PKD1L1: variants seen among roughly 807,000 people sequenced by gnomAD.
PKD1L1 encodes the protein polycystin 1 like 1, transient receptor potential channel interacting.
A neutral mutation model predicts 323.4 loss-of-function variants in PKD1L1; 236 were observed. That is an observed-to-expected ratio of 0.73 (90% CI 0.66 to 0.81). PKD1L1 has a LOEUF of 0.81. Ranked by LOEUF, PKD1L1 falls within the 40% of genes least tolerant of loss-of-function variation. The probability of loss-of-function intolerance (pLI) is 0.00; values close to 1 mark genes in which losing one functional copy is unlikely to be tolerated. For missense variants in PKD1L1, 3,320 were observed against 3,508.0 expected (o/e 0.95, Z 1.35); for synonymous variants, 1,344 against 1,335.0 (o/e 1.01, Z -0.15).
At chr7:47,827,192 TA>T (rs1356704012) in intron 45 of PKD1L1, among the ~76,000 whole-genome samples, 157 bp downstream of exon 45, 11 of 152,214 alleles carry the variant, frequency 7.2e-5, no homozygotes, top group African/African-American at 2.7e-4. Context: ...GGTTGTTATA[TA>T]AATAAGGATG....
At position 47,835,157 on chromosome 7, in the gene PKD1L1, C is replaced by A. The variant is rs767737230; in HGVS notation, c.6030G>T (p.Leu2010Phe). 24 of 1,598,594 alleles carry A rather than the reference C, an allele frequency of 1.5e-5. No individual in the cohort carries two copies. The highest frequency in any genetic ancestry group is 2.0e-5 in the Non-Finnish European group (24 of 1,172,820). ...TLLASPGAQL[L>F]SLLFRLSKEA... ...CCTTGCTGAGCCTGAAGAGCAGGGA[C>A]AAGAGCTGGGCCCCTGGAGAAGCCA... The change falls in exon 38 of 57, where the codon TTG becomes TTT. Residue 2010 changes from leucine to phenylalanine, a missense_variant. Leu to Phe is a conservative substitution (Grantham distance 22). Transcript: ENST00000289672.
Position 47,858,714 on chromosome 7 carries a change from G to C in PKD1L1, c.4321C>G (p.Arg1441Gly), listed in dbSNP as rs550723547. ...EQENSKEEVY[R>G]HEEGITVISD... ...ATGACTGTAATTCCTTCTTCATGTC[G>C]ATAGACTTCCTCCTTCGAGTTTTCT... Residue 1441 changes from arginine (R) to glycine (G), a missense_variant, in exon 27 of 57, where the codon CGA (arginine) becomes GGA (glycine). Coordinates refer to ENST00000289672, the MANE Select transcript of PKD1L1 (RefSeq NM_138295.5). 42 of 1,613,986 alleles carry C rather than the reference G, an allele frequency of 2.6e-5. No individual in the cohort carries two copies. In the South Asian group the frequency reaches 4.3e-4, roughly 16 times the overall value.
chr7:47,834,293 C>A (rs771272475), intron 40 of PKD1L1, 46 bp downstream of exon 40: 1 of 1,586,538 alleles, frequency 6.3e-7, no homozygotes, highest in Non-Finnish European at 8.6e-7. Flanking sequence ...TAATTGTTTG[C>A]ATTTCATGCT....
intron 7 of PKD1L1, among the ~76,000 whole-genome samples, chr7:47,916,690 G>A (rs1335236509): frequency 6.6e-6 from 1 of 152,118 alleles, no homozygotes; most frequent in Non-Finnish European, 1.5e-5. Context: ...CCTGGAATCT[G>A]GTAGACTCGC....
intron 4 of PKD1L1, among the ~76,000 whole-genome samples, chr7:47,933,223 ACG>A (rs1182176882): frequency 6.7e-6 from 1 of 150,022 alleles, no homozygotes; most frequent in East Asian, 2.0e-4. Flanking sequence ...AAACTGACTG[ACG>A]CCAAGTAGCC....
In PKD1L1 at chr7:47,915,433, G is replaced by A. The variant is rs1787406986; in HGVS notation, c.1227C>T (p.Thr409=). 1.1e-6 allele frequency: 1 copy of A among 886,648 alleles called. No homozygotes were observed. Among genetic ancestry groups the A allele is most frequent in the Non-Finnish European group, 1.9e-6 (1 of 515,342 alleles). The allele number at this position is 886,648 out of a possible 1,614,324, so 54.9% of individuals were successfully genotyped here. The stretch of plus-strand genomic sequence containing the variant: ...CTCTTTTTGCTTTTAAAAACATACT[G>A]GTGACAAAGGCAGAAATAAGCTCAT... ...LGYELISAFV[T]KGVYMLKAVI... The change falls in exon 8 of 57, where the codon ACC becomes ACT. Residue 409 remains threonine, a splice_region_variant and synonymous_variant. Coordinates refer to ENST00000289672, the MANE Select transcript of PKD1L1 (RefSeq NM_138295.5).
chr7:47,866,408 C>T lies in PKD1L1; in HGVS notation c.4092+11G>A. The T allele has an allele frequency of 6.2e-7, 1 of 1,611,178 alleles. No individual in the cohort carries two copies. Among genetic ancestry groups the T allele is most frequent in the Middle Eastern group, 1.7e-4 (1 of 6,042 alleles). On this transcript the variant is annotated intron_variant, in intron 25 of 56. Transcript: ENST00000289672. ...TTACAGACACTAAACTCACCCTCCT[C>T]TGAGCCATACCTGATCTACAAAAGC... is the stretch of plus-strand genomic sequence containing the variant.
chr7:47,880,663 T>G, intron 21 of PKD1L1, 65 bp downstream of exon 21: 3 of 1,317,708 alleles, frequency 2.3e-6, no homozygotes, highest in South Asian at 2.7e-5. Flanking sequence ...TTAGGAAGAG[T>G]AAACTCACAG....
At chr7:47,783,501 C>G (rs778140233) in intron 56 of PKD1L1, among the ~76,000 whole-genome samples, 3 of 152,128 alleles carry the variant, frequency 2.0e-5, no homozygotes, top group Non-Finnish European at 2.9e-5. Flanking sequence ...TTGAATTGTT[C>G]TTCCTCCAGA....
At chr7:47,934,600 C>T (rs962082563) in intron 4 of PKD1L1, among the ~76,000 whole-genome samples, 4 of 152,188 alleles carry the variant, frequency 2.6e-5, no homozygotes, top group African/African-American at 4.8e-5. Flanking sequence ...CAACAACAAA[C>T]CTGCATGTCT....
rs970049084 is a variant in PKD1L1, at chr7:47,874,117, C to T, written c.3785-107G>A. The T allele has an allele frequency of 1.1e-5, 8 of 703,866 alleles. No individual in the cohort carries two copies. In the African/African-American group the frequency reaches 1.4e-4, roughly 13 times the overall value. The allele number at this position is 703,866 out of a possible 1,614,324, so 43.6% of individuals were successfully genotyped here. A position where few individuals can be genotyped will look rare whatever the true frequency, so the allele number is the denominator to read the frequency against. ...TGGATGACTAAAACTGTGACAAGTG[C>T]TGACAAAGGGGCCAGGCTCCGAGCC... is the stretch of plus-strand genomic sequence containing the variant. On this transcript the variant is annotated intron_variant, in intron 23 of 56. Coordinates refer to ENST00000289672, the MANE Select transcript of PKD1L1 (RefSeq NM_138295.5).
intron 8 of PKD1L1, among the ~76,000 whole-genome samples, chr7:47,910,662 CTTTTTTTTTTTTT>C (rs1787301450): frequency 7.9e-6 from 1 of 126,706 alleles, no homozygotes; most frequent in South Asian, 2.5e-4. Context: ...TTCAAGTTGA[CTTTTTTTTTTTTT>C]AAGATAGAGT....
intron 54 of PKD1L1, among the ~76,000 whole-genome samples, chr7:47,797,064 C>A (rs1324056786): frequency 3.3e-5 from 5 of 152,044 alleles, no homozygotes; most frequent in African/African-American, 4.8e-5. Flanking sequence ...GCTTTACACA[C>A]CCTGCAAAAC....
intron 26 of PKD1L1, among the ~76,000 whole-genome samples, chr7:47,861,942 C>T (rs1786039222): frequency 6.9e-6 from 1 of 145,022 alleles, no homozygotes; most frequent in African/African-American, 2.5e-5. Context: ...CATCTGTAAT[C>T]CCAGCACTTT....
rs536842690 is a variant in PKD1L1 at position 47,780,035 on chromosome 7, T to A, written c.8527-4869A>T. 7.2e-5 allele frequency among the ~76,000 whole-genome samples: 11 copies of A among 152,272 alleles called. No homozygotes were observed. The South Asian group carries it at 1.9e-3, about 26-fold the overall frequency. Reference sequence around the variant, plus strand: ...ACAACCTCGTTATTTTTTAATTATTTTTTTTTTACTTTGAGATAACTGTAG... The same window carrying A: ...ACAACCTCGTTATTTTTTAATTATTATTTTTTTACTTTGAGATAACTGTAG... On this transcript the variant is annotated intron_variant, in intron 56 of 56. Coordinates refer to ENST00000289672, the MANE Select transcript of PKD1L1 (RefSeq NM_138295.5).
At chr7:47,886,292 A>G (rs747907028) in intron 17 of PKD1L1, among the ~76,000 whole-genome samples, 4 of 151,686 alleles carry the variant, frequency 2.6e-5, no homozygotes, top group Non-Finnish European at 4.4e-5. Context: ...CAGCGATTGC[A>G]CCTGACGTTT....
rs776765561 is a variant in PKD1L1 at position 47,808,381 on chromosome 7, C to T, written c.7693G>A (p.Val2565Met). 31 of 1,613,906 alleles carry T rather than the reference C, an allele frequency of 1.9e-5. No individual in the cohort carries two copies. Among genetic ancestry groups the T allele is most frequent in the Admixed American group, 3.3e-5 (2 of 59,988 alleles). Reference sequence around the variant, plus strand: ...TAGTAGGTGAGGCTCACTCCAACCACGGAGAGCTGGAACATCCAAGAGAAA... The same window carrying T: ...TAGTAGGTGAGGCTCACTCCAACCATGGAGAGCTGGAACATCCAAGAGAAA... Reference protein sequence around the residue: ...RKPRNWLELSVVGVSLTYYAV... With the variant: ...RKPRNWLELSMVGVSLTYYAV... The change falls in exon 52 of 57, where the codon GTG becomes ATG. Residue 2565 changes from valine to methionine, a missense_variant. Physicochemically the swap from Val to Met is conservative, Grantham distance 21. Coordinates refer to ENST00000289672, the MANE Select transcript of PKD1L1 (RefSeq NM_138295.5).
At chr7:47,955,533 C>T in the PKD1L1 span, among the ~76,000 whole-genome samples, 1 of 152,198 alleles carries the variant, frequency 6.6e-6, no homozygotes, top group Non-Finnish European at 1.5e-5. Context: ...CAACATCTAA[C>T]CTGCTTTTTT....
intron 56 of PKD1L1, among the ~76,000 whole-genome samples, chr7:47,782,974 G>T (rs916340447): frequency 2.6e-5 from 4 of 152,264 alleles, no homozygotes; most frequent in African/African-American, 9.6e-5. Context: ...CTGGTGACAT[G>T]GATGAGGTAT....
Sources: gnomAD v4.1 joint callset for allele counts (sites outside exome capture counted in the v4.1 genomes callset) on GRCh38, gnomAD v4.1.1 for gene constraint, MANE v1.5 for transcripts, NCBI Gene and HGNC (gene_info 2026-07-23, HGNC 2026-07-21) for gene names.